RNLS: variants seen among roughly 807,000 people sequenced by gnomAD.
RNLS encodes renalase.
In RNLS, 39 loss-of-function variants were observed where a neutral mutation model predicts 39.8. That is an observed-to-expected ratio of 0.98 (90% CI 0.76 to 1.28). The LOEUF is 1.28. Ranked by LOEUF, RNLS falls within the 50% of genes most tolerant of loss-of-function variation. The pLI is 0.00. For synonymous variants in RNLS, 147 were observed against 150.7 expected, an observed-to-expected ratio of 0.98 and a Z score of 0.18; for missense variants, 410 against 413.3, an observed-to-expected ratio of 0.99 and a Z score of 0.07.
intron 5 of RNLS, among the ~76,000 whole-genome samples, chr10:88,352,317 G>T (rs377101960): frequency 2.0e-5 from 3 of 152,098 alleles, no homozygotes; most frequent in Admixed American, 1.3e-4. Context: ...GCCCATTCAG[G>T]ATGATATTGG....
At chr10:88,201,675 G>T in the RNLS span, among the ~76,000 whole-genome samples, 2 of 136,236 alleles carry the variant, frequency 1.5e-5, no homozygotes, top group South Asian at 2.5e-4. Flanking sequence ...TTAGATTCTT[G>T]ACCCACAAAA....
At chr10:88,296,378 C>T (rs1448522102) in intron 6 of RNLS, among the ~76,000 whole-genome samples, 1 of 152,030 alleles carries the variant, frequency 6.6e-6, no homozygotes, top group East Asian at 1.9e-4. Flanking sequence ...CCTGCAGACT[C>T]GATTTTTCTG....
At chr10:88,566,407 G>A (rs1404101074) in intron 4 of RNLS, among the ~76,000 whole-genome samples, 1 of 152,000 alleles carries the variant, frequency 6.6e-6, no homozygotes, top group Non-Finnish European at 1.5e-5. Flanking sequence ...GACAGAATTG[G>A]TCCCATTTAA....
At chr10:88,353,546 T>C (rs1848899511) in intron 5 of RNLS, among the ~76,000 whole-genome samples, 1 of 152,244 alleles carries the variant, frequency 6.6e-6, no homozygotes. Context: ...AATCCTGAGT[T>C]CTTGTTTGAT....
At chr10:88,450,712 T>A in intron 4 of RNLS, among the ~76,000 whole-genome samples, 1 of 152,182 alleles carries the variant, frequency 6.6e-6, no homozygotes, top group East Asian at 1.9e-4. Context: ...ATCAATAACA[T>A]GAAAAACTTA....
intron 3 of RNLS, 62 bp downstream of exon 3, chr10:88,581,505 T>C (rs1440966211): frequency 1.4e-6 from 2 of 1,407,294 alleles, no homozygotes; most frequent in African/African-American, 2.9e-5. Context: ...TATGTAACTA[T>C]GTGTGTAACT....
At chr10:88,251,076 C>T in the RNLS span, among the ~76,000 whole-genome samples, 1 of 152,158 alleles carries the variant, frequency 6.6e-6, no homozygotes. Flanking sequence ...GAATAAAATG[C>T]TTGCATATTC....
chr10:88,491,873 A>G (rs560457140), intron 4 of RNLS, among the ~76,000 whole-genome samples: 2 of 152,234 alleles, frequency 1.3e-5, no homozygotes, highest in South Asian at 4.1e-4. Context: ...GATGAAGTGT[A>G]AAGATTCCAA....
the RNLS span, among the ~76,000 whole-genome samples, chr10:88,249,091 C>A: frequency 0.013 from 1,990 of 152,262 alleles, 42 homozygotes; most frequent in African/African-American, 0.045. Flanking sequence ...GTTTTGTAGG[C>A]TTCTGGATGG....
intron 4 of RNLS, among the ~76,000 whole-genome samples, chr10:88,437,162 T>G (rs191972700): frequency 2.0e-5 from 3 of 152,314 alleles, no homozygotes; most frequent in Non-Finnish European, 4.4e-5. Flanking sequence ...AAGGATCTCT[T>G]GATGGGAAAG....
the RNLS span, among the ~76,000 whole-genome samples, chr10:88,246,416 T>G: frequency 1.3e-5 from 2 of 152,184 alleles, no homozygotes; most frequent in African/African-American, 4.8e-5. Context: ...TTTGATGATG[T>G]GCTGCACCAT....
At chr10:88,343,544 AAAAC>A in intron 5 of RNLS, 5 of 984,638 alleles carry the variant, frequency 5.1e-6, no homozygotes, top group Non-Finnish European at 6.0e-6. Context: ...AAAAAGGAGT[AAAAC>A]AACTCTCAAA....
chr10:88,265,796 T>C, the RNLS span, among the ~76,000 whole-genome samples: 3 of 152,204 alleles, frequency 2.0e-5, no homozygotes, highest in African/African-American at 7.2e-5. Context: ...AATGAGATCA[T>C]TCAGAAGTGC....
At chr10:88,512,327 G>A (rs1340695387) in intron 4 of RNLS, among the ~76,000 whole-genome samples, 1 of 152,118 alleles carries the variant, frequency 6.6e-6, no homozygotes, top group Non-Finnish European at 1.5e-5. Flanking sequence ...TTATCTCTGT[G>A]TAGTTCTATT....
chr10:88,541,980 T>G (rs182437677), intron 4 of RNLS, among the ~76,000 whole-genome samples: 2 of 152,152 alleles, frequency 1.3e-5, no homozygotes, highest in African/African-American at 4.8e-5. Context: ...CATGATGAGG[T>G]ATTTCTGGGG....
At chr10:88,475,840 G>A (rs1370982925) in intron 4 of RNLS, among the ~76,000 whole-genome samples, 1 of 152,064 alleles carries the variant, frequency 6.6e-6, no homozygotes, top group African/African-American at 2.4e-5. Context: ...ATTGCAGGCT[G>A]CATTTCAAAA....
At chr10:88,225,982 T>A in the RNLS span, among the ~76,000 whole-genome samples, 4 of 152,178 alleles carry the variant, frequency 2.6e-5, no homozygotes, top group African/African-American at 9.7e-5. Context: ...GAACTATTAC[T>A]ACTGGAGTGT....
chr10:88,213,128 A>T, the RNLS span, among the ~76,000 whole-genome samples: 1 of 152,166 alleles, frequency 6.6e-6, no homozygotes, highest in Non-Finnish European at 1.5e-5. Flanking sequence ...GAGATCCAAG[A>T]TTCTTCTGCG....
chr10:88,206,767 T>C, the RNLS span, among the ~76,000 whole-genome samples: 1 of 152,134 alleles, frequency 6.6e-6, no homozygotes, highest in Non-Finnish European at 1.5e-5. Context: ...CGTTCATCTT[T>C]CAATGCTCAA....
Sources: allele counts gnomAD v4.1 joint callset (sites outside exome capture counted in the v4.1 genomes callset), GRCh38; gene constraint gnomAD v4.1.1; transcripts MANE v1.5; gene names NCBI Gene and HGNC (gene_info 2026-07-23, HGNC 2026-07-21).